TBC1D14: variants seen among roughly 807,000 people sequenced by gnomAD.
The protein encoded by TBC1D14 is TBC1 domain family member 14.
Under a neutral mutation model 79.0 loss-of-function variants are expected in TBC1D14, and 26 were observed. The observed-to-expected ratio is 0.33, with a 90% confidence interval of 0.24 to 0.46. The LOEUF (loss-of-function observed/expected upper bound fraction) is 0.46. TBC1D14 is among the 20% of genes least tolerant of loss of function. TBC1D14 has a pLI of 1.00. For missense variants in TBC1D14, 769 were observed against 887.6 expected, an observed-to-expected ratio of 0.87 and a Z score of 1.70; for synonymous variants, 394 against 349.9, an observed-to-expected ratio of 1.13 and a Z score of -1.40.
At chr4:6,988,772 G>C (rs1718148191) in intron 3 of TBC1D14, among the ~76,000 whole-genome samples, 1 of 152,070 alleles carries the variant, frequency 6.6e-6, no homozygotes, top group South Asian at 2.1e-4. Flanking sequence ...TCCAGTAGCA[G>C]GTTATTGACA....
intron 2 of TBC1D14, among the ~76,000 whole-genome samples, chr4:6,941,356 T>G (rs1443454053): frequency 6.6e-6 from 1 of 152,070 alleles, no homozygotes; most frequent in Non-Finnish European, 1.5e-5. Flanking sequence ...TGGCTAATTT[T>G]TGTATTTTTA....
At chr4:7,016,454 C>T (rs570392100) in intron 12 of TBC1D14, among the ~76,000 whole-genome samples, 6 of 152,170 alleles carry the variant, frequency 3.9e-5, no homozygotes, top group Non-Finnish European at 7.3e-5. Flanking sequence ...CTGGGGCCCG[C>T]GGTGCTGGAG....
intron 3 of TBC1D14, among the ~76,000 whole-genome samples, chr4:6,973,409 T>A (rs1716391045): frequency 6.6e-6 from 1 of 152,124 alleles, no homozygotes; most frequent in Non-Finnish European, 1.5e-5. Context: ...AACTTCACTT[T>A]CATTATCCCT....
In TBC1D14 at chr4:6,992,295, G is replaced by A. The variant is rs111670226; in HGVS notation, c.844-1889G>A. On this transcript the variant is annotated intron_variant, in intron 3 of 13. Coordinates refer to ENST00000409757, the MANE Select transcript of TBC1D14 (RefSeq NM_020773.3). ...GCCACACCTAAGCCGTGTAGGACTC[G>A]GGCTTTCCCCTCTAAAACTGCACAC... 2.6e-5 allele frequency among the ~76,000 whole-genome samples: 4 copies of A among 152,170 alleles called. No homozygotes were observed. In the South Asian group the frequency reaches 6.2e-4, roughly 24 times the overall value.
rs756808966 is a variant in TBC1D14, at chr4:7,031,443, C to G, written c.*1051C>G. The G allele has an allele frequency of 6.6e-6, 1 of 152,256 alleles. No homozygotes were observed. The highest frequency in any genetic ancestry group is 2.4e-5 in the African/African-American group (1 of 41,464). 9.4% of individuals were successfully genotyped at this position (152,256 alleles called of 1,614,324 possible). A position where few individuals can be genotyped will look rare whatever the true frequency, so the allele number is the denominator to read the frequency against. On this transcript the variant is annotated 3_prime_UTR_variant, in exon 14 of 14. Coordinates refer to ENST00000409757, the MANE Select transcript of TBC1D14 (RefSeq NM_020773.3). ...AGACGGAGGAGCGAGCAACACACGT[C>G]TAACAGCCTAGACAATCTCGTCAGA...
chr4:7,015,025 A>G (rs1721141449), intron 12 of TBC1D14, among the ~76,000 whole-genome samples: 2 of 152,134 alleles, frequency 1.3e-5, no homozygotes, highest in South Asian at 2.1e-4. Context: ...TGCATGTGCC[A>G]TTCCAGAGTC....
chr4:7,013,828 C>T (rs1721017866), intron 11 of TBC1D14, among the ~76,000 whole-genome samples: 1 of 152,092 alleles, frequency 6.6e-6, no homozygotes, highest in Non-Finnish European at 1.5e-5. Flanking sequence ...ACTGCAAGCT[C>T]CGCCTCCCGG....
intron 2 of TBC1D14, among the ~76,000 whole-genome samples, chr4:6,933,459 C>CA (rs1345359026): frequency 1.3e-5 from 2 of 151,586 alleles, no homozygotes; most frequent in Non-Finnish European, 2.9e-5. Flanking sequence ...CGTGCGCCAT[C>CA]ACACACAGCT....
intron 2 of TBC1D14, among the ~76,000 whole-genome samples, chr4:6,954,037 G>A (rs964350535): frequency 6.6e-6 from 1 of 152,186 alleles, no homozygotes; most frequent in African/African-American, 2.4e-5. Context: ...TCCCAGGCCC[G>A]AGAACCCGTC....
At chr4:7,014,055 T>TA (rs1721050342) in intron 11 of TBC1D14, among the ~76,000 whole-genome samples, 1 of 152,224 alleles carries the variant, frequency 6.6e-6, no homozygotes, top group Admixed American at 6.5e-5. Flanking sequence ...GGCCTCCAGA[T>TA]ACTTTTACAC....
At chr4:6,987,774 A>G (rs1039767988) in intron 3 of TBC1D14, among the ~76,000 whole-genome samples, 1 of 152,244 alleles carries the variant, frequency 6.6e-6, no homozygotes, top group Non-Finnish European at 1.5e-5. Flanking sequence ...TCCGAGCTCT[A>G]GAGCCCAATG....
intron 3 of TBC1D14, among the ~76,000 whole-genome samples, chr4:6,971,586 C>T (rs567409773): frequency 3.9e-5 from 6 of 152,094 alleles, no homozygotes; most frequent in South Asian, 2.1e-4. Context: ...AGTTTGAGAG[C>T]GATTTTCTTA....
intron 6 of TBC1D14, among the ~76,000 whole-genome samples, chr4:7,000,528 A>C (rs1719558616): frequency 6.6e-6 from 1 of 152,242 alleles, no homozygotes; most frequent in Non-Finnish European, 1.5e-5. Context: ...TGCTGCGTTC[A>C]GAGGCACCAC....
intron 6 of TBC1D14, 143 bp from the exon 7 acceptor site, chr4:7,001,002 C>G: frequency 1.5e-6 from 1 of 664,884 alleles, no homozygotes. Flanking sequence ...TTACAGAGCC[C>G]TGGACTCTAA....
At chr4:6,994,859 C>T (rs1272053882) in intron 4 of TBC1D14, among the ~76,000 whole-genome samples, 11 of 138,020 alleles carry the variant, frequency 8.0e-5, no homozygotes, top group African/African-American at 1.8e-4. Context: ...AGCAAAACTC[C>T]GTCTCAAAAA....
chr4:7,015,146 TG>T (rs1319626881), intron 12 of TBC1D14, among the ~76,000 whole-genome samples: 14 of 151,970 alleles, frequency 9.2e-5, no homozygotes, highest in East Asian at 7.8e-4. Flanking sequence ...ACCCAAGCTC[TG>T]GAGCTTGGGC....
intron 5 of TBC1D14, 39 bp from the exon 6 acceptor site, chr4:6,999,046 A>G (rs746649022): frequency 6.3e-7 from 1 of 1,593,628 alleles, no homozygotes; most frequent in South Asian, 1.1e-5. Context: ...GGTCCATATC[A>G]GTTAGTAGAT....
intron 2 of TBC1D14, among the ~76,000 whole-genome samples, chr4:6,950,114 A>G (rs1303343492): frequency 6.6e-6 from 1 of 152,058 alleles, no homozygotes; most frequent in Non-Finnish European, 1.5e-5. Context: ...CCCTGTGTCC[A>G]TGCGTACTCA....
intron 3 of TBC1D14, among the ~76,000 whole-genome samples, chr4:6,993,137 A>G (rs925935080): frequency 2.6e-5 from 4 of 152,238 alleles, no homozygotes; most frequent in Non-Finnish European, 5.9e-5. Context: ...TCACCACCTC[A>G]TGACAAACAT....
Sources: allele counts gnomAD v4.1 joint callset (sites outside exome capture counted in the v4.1 genomes callset), GRCh38; gene constraint gnomAD v4.1.1; transcripts MANE v1.5; gene names NCBI Gene and HGNC (gene_info 2026-07-23, HGNC 2026-07-21).